TOP1MT: variants seen among roughly 807,000 people sequenced by gnomAD.
TOP1MT encodes DNA topoisomerase I mitochondrial.
Under a neutral mutation model 73.9 loss-of-function variants are expected in TOP1MT, and 80 were observed. That is an observed-to-expected ratio of 1.08 (90% CI 0.90 to 1.30). The LOEUF (loss-of-function observed/expected upper bound fraction) is 1.30, where lower values mean the gene tolerates loss of function less well. Ranked by LOEUF, TOP1MT falls within the 50% of genes most tolerant of loss-of-function variation. The pLI is 0.00. For missense variants in TOP1MT, 815 were observed against 808.0 expected, an observed-to-expected ratio of 1.01 and a Z score of -0.10; for synonymous variants, 338 against 326.4, an observed-to-expected ratio of 1.04 and a Z score of -0.38.
At chr8:143,359,391 C>A, upstream of TOP1MT, 1 of 985,402 alleles carries the variant, frequency 1.0e-6, no homozygotes, top group Non-Finnish European at 1.2e-6. Flanking sequence ...CAAAGCGCAT[C>A]CAAAGCCGTC....
chr8:143,321,173 C>T lies in TOP1MT; in HGVS notation c.1146+28G>A, dbSNP rs750266488. On this transcript the variant is annotated intron_variant, in intron 8 of 13. Transcript: ENST00000329245. ...TCCAGAGCAAATACGTGTCACATAG[C>T]GGGGGCAGCTGGCGCGAGGGCACTC... is the stretch of plus-strand genomic sequence containing the variant. 5 of 1,544,346 alleles carry T rather than the reference C, an allele frequency of 3.2e-6. No homozygotes were observed. The African/African-American group carries it at 4.1e-5, about 13-fold the overall frequency.
At chr8:143,316,180 G>T in intron 10 of TOP1MT, 54 bp from the exon 11 acceptor site, 1 of 1,612,220 alleles carries the variant, frequency 6.2e-7, no homozygotes. Flanking sequence ...CACCCTCCCT[G>T]TCTGCCCTGA....
chr8:143,346,013 T>C (rs912337719), upstream of TOP1MT, among the ~76,000 whole-genome samples: 5 of 152,162 alleles, frequency 3.3e-5, no homozygotes, highest in Admixed American at 1.3e-4. Flanking sequence ...GGCAGTGGCT[T>C]TCCAGAGGGA....
chr8:143,323,855 G>A (rs1440193288), intron 7 of TOP1MT, 144 bp downstream of exon 7: 9 of 858,622 alleles, frequency 1.0e-5, no homozygotes, highest in African/African-American at 3.4e-5. Flanking sequence ...ACCCACACAC[G>A]TGTGCACATG....
chr8:143,310,216 C>T lies in TOP1MT; in HGVS notation c.1555G>A (p.Val519Ile), dbSNP rs927135506. The stretch of plus-strand genomic sequence containing the variant: ...AGGAGCCGCCTCTTCTTCTCCAGGA[C>T]ACTGGCAAGAGAAGAGGAGGCCGCG... ...KAQGDGKSRS[V>I]LEKKRRLLEK... is the part of the protein sequence containing the mutation. The change falls in exon 13 of 14, where the codon GTC (valine) becomes ATC (isoleucine). Residue 519 changes from valine (V) to isoleucine (I), a missense_variant and splice_region_variant. By Grantham distance (29) the Val-to-Ile change is conservative. This residue lies in a region of TOP1MT where 751 missense variants were observed against 725.4 expected (regional missense o/e 1.04). Transcript: ENST00000329245. 2 of 1,556,018 alleles carry T rather than the reference C, an allele frequency of 1.3e-6. No individual in the cohort carries two copies. Among genetic ancestry groups the T allele is most frequent in the African/African-American group, 2.7e-5 (2 of 73,260 alleles).
chr8:143,343,274 G>C, exon 2 of TOP1MT: 1 of 456,286 alleles, frequency 2.2e-6, no homozygotes, highest in Non-Finnish European at 4.4e-6. Flanking sequence ...CTGGCGTGGT[G>C]ATCTGTGCAA....
At chr8:143,353,311 G>A (rs1045292154) in intron 1 of TOP1MT, among the ~76,000 whole-genome samples, 1 of 152,034 alleles carries the variant, frequency 6.6e-6, no homozygotes, top group Non-Finnish European at 1.5e-5. Flanking sequence ...AGCTACTCAG[G>A]AGGCTGAAGT....
In TOP1MT at chr8:143,354,427, C is replaced by T. The variant is rs923511137; in HGVS notation, c.-39+1538G>A. 1.2e-3 allele frequency among the ~76,000 whole-genome samples: 182 copies of T among 152,078 alleles called. 2 individuals carry two copies. Among genetic ancestry groups the T allele is most frequent in the African/African-American group, 4.0e-3 (165 of 41,416 alleles). On this transcript the variant is annotated intron_variant, in intron 1 of 5. Coordinates refer to the TOP1MT transcript ENST00000518760. ...GAGAATGGGAACATTAAAAGAAAAA[C>T]GTTAGCCGGGCGTGGTGGCTCACGC...
upstream of TOP1MT, chr8:143,358,783 C>A (rs1817455040): frequency 6.6e-6 from 1 of 152,148 alleles, no homozygotes; most frequent in African/African-American, 2.4e-5. Flanking sequence ...TGGAGTGACA[C>A]CGAAAACACA....
chr8:143,346,954 T>TTTCTTTATTTATTTATTTAA (rs1316913421), upstream of TOP1MT, among the ~76,000 whole-genome samples: 12 of 41,768 alleles, frequency 2.9e-4, no homozygotes, highest in African/African-American at 9.0e-4. Context: ...GCCTCACTTC[T>TTTCTTTATTTATTTATTTAA]TTATTTATTT....
At chr8:143,352,948 T>G (rs1040820915) in intron 1 of TOP1MT, among the ~76,000 whole-genome samples, 3 of 151,716 alleles carry the variant, frequency 2.0e-5, no homozygotes, top group African/African-American at 7.3e-5. Flanking sequence ...GCACAAACAA[T>G]CAAAGATAAA....
At chr8:143,347,045 T>C, upstream of TOP1MT, among the ~76,000 whole-genome samples, 1 of 151,782 alleles carries the variant, frequency 6.6e-6, no homozygotes. Context: ...AGTGCAGTGG[T>C]GTGATCTTGG....
rs1816706108 is a variant in TOP1MT, at chr8:143,326,323, C to G, written c.382G>C (p.Glu128Gln). 6.2e-7 allele frequency: 1 copy of G among 1,613,906 alleles called. No homozygotes were observed. Among genetic ancestry groups the G allele is most frequent in the South Asian group, 1.1e-5 (1 of 91,090 alleles). ...CACTTGTCCAGGCTCTTGATGACTT[C>G]CCTCTCTTCCACCGCCATTTCCTGC... ...WRKEMAVEEREVIKSLDKCDF... is the reference protein window; with the variant it reads ...WRKEMAVEERQVIKSLDKCDF... Residue 128 changes from glutamate to glutamine, a missense_variant, in exon 4 of 14, where the codon GAA becomes CAA. Transcript: ENST00000329245.
upstream of TOP1MT, among the ~76,000 whole-genome samples, chr8:143,348,766 C>T (rs1238482474): frequency 1.3e-5 from 2 of 152,074 alleles, no homozygotes; most frequent in East Asian, 3.9e-4. The surrounding 1 kb of genome is among the most constrained non-coding windows in gnomAD (Gnocchi z 4.6). Flanking sequence ...GGAGAATGGA[C>T]GCCAGCTGAC....
chr8:143,315,064 C>T (rs1343824773), intron 12 of TOP1MT, among the ~76,000 whole-genome samples: 1 of 152,104 alleles, frequency 6.6e-6, no homozygotes, highest in Non-Finnish European at 1.5e-5. Context: ...GCATCAGTGT[C>T]AAGGAAAAAC....
intron 7 of TOP1MT, among the ~76,000 whole-genome samples, chr8:143,322,531 AAAGATGCACGC>A (rs1816482505): frequency 9.2e-6 from 1 of 108,622 alleles, no homozygotes; most frequent in East Asian, 3.2e-4. Flanking sequence ...CAGGCACGCC[AAAGATGCACGC>A]CACACACACG....
chr8:143,359,531 A>T, upstream of TOP1MT: 2 of 636,846 alleles, frequency 3.1e-6, no homozygotes, highest in Non-Finnish European at 3.9e-6. Context: ...CAAGGGAGCG[A>T]TGAGGAGGGG....
At chr8:143,342,687 ATTATTATTAGAGACAGAGTCTCGCTG>A (rs1817140637) in intron 2 of TOP1MT, among the ~76,000 whole-genome samples, 1 of 112,882 alleles carries the variant, frequency 8.9e-6, no homozygotes, top group Non-Finnish European at 1.8e-5. Flanking sequence ...TATTATTATT[ATTATTATTAGAGACAGAGTCTCGCTG>A]TTATTATTAT....
In TOP1MT at chr8:143,334,817, C is replaced by A. The variant is rs754765694; in HGVS notation, c.45G>T (p.Leu15=). ...CCGGGCGGCGGGGGACCTCCCCGAG[C>A]AGCGTCAGAGCCGCCCGGAGCCGCA... ...RLLRLRAALT[L]LGEVPRRPAS... is the part of the protein sequence containing the mutation. Residue 15 remains leucine, a synonymous_variant, in exon 1 of 14, where the codon CTG becomes CTT. Coordinates refer to ENST00000329245, the MANE Select transcript of TOP1MT (RefSeq NM_052963.3). 3.8e-6 allele frequency: 6 copies of A among 1,567,970 alleles called. No individual in the cohort carries two copies. In the South Asian group the frequency reaches 6.8e-5, roughly 18 times the overall value.
Sources: allele counts gnomAD v4.1 joint callset (sites outside exome capture counted in the v4.1 genomes callset), GRCh38; gene constraint gnomAD v4.1.1; regional missense constraint gnomAD v4.1.1; non-coding constraint Gnocchi (gnomAD v3.1); transcripts MANE v1.5; gene names NCBI Gene and HGNC (gene_info 2026-07-23, HGNC 2026-07-21).